Variants in UBASH3B observed in about 807,000 individuals in gnomAD.
UBASH3B encodes the protein ubiquitin-associated and SH3 domain-containing protein B.
Under a neutral mutation model 83.4 loss-of-function variants are expected in UBASH3B, and 37 were observed. The ratio of observed to expected loss-of-function variants is 0.44; its 90% CI spans 0.34 to 0.58. The LOEUF (loss-of-function observed/expected upper bound fraction) is 0.58, where lower values mean the gene tolerates loss of function less well. Ranked by LOEUF, UBASH3B falls within the 20% of genes least tolerant of loss-of-function variation. UBASH3B has a pLI of 0.01. For synonymous variants in UBASH3B, 304 were observed against 318.3 expected, an observed-to-expected ratio of 0.96 and a Z score of 0.48; for missense variants, 657 against 827.2, an observed-to-expected ratio of 0.79 and a Z score of 2.52.
At chr11:122,685,645 T>C (rs1863799819) in intron 1 of UBASH3B, among the ~76,000 whole-genome samples, 1 of 152,120 alleles carries the variant, frequency 6.6e-6, no homozygotes, top group African/African-American at 2.4e-5. Context: ...GCCTCCCGAG[T>C]AGCTGGAATT....
intron 1 of UBASH3B, among the ~76,000 whole-genome samples, chr11:122,718,337 C>T (rs897771882): frequency 2.0e-5 from 3 of 152,152 alleles, no homozygotes; most frequent in Non-Finnish European, 2.9e-5. Context: ...AACATAGAGC[C>T]CTGGCGCCTC....
Position 122,801,888 on chromosome 11 carries a change from C to T in UBASH3B, c.1595+556C>T, listed in dbSNP as rs560586095. ...CTTTATTCATCATTTTCCACATGTC[C>T]AGCACCATGCAATCTGCTGTACAGT... On this transcript the variant is annotated intron_variant, in intron 11 of 13. Transcript: ENST00000284273. Among the ~76,000 whole-genome samples, 4 of 152,264 alleles carry T rather than the reference C, an allele frequency of 2.6e-5. No individual in the cohort carries two copies. In the South Asian group the frequency reaches 8.3e-4, roughly 32 times the overall value.
intron 1 of UBASH3B, among the ~76,000 whole-genome samples, chr11:122,694,687 G>A (rs1000331442): frequency 1.6e-4 from 24 of 152,296 alleles, no homozygotes; most frequent in African/African-American, 5.5e-4. Context: ...TGGAAATGCT[G>A]TTATTGATAA....
rs181445074 is a variant in UBASH3B, at chr11:122,693,734, G to C, written c.161+37524G>C. Among the ~76,000 whole-genome samples, 210 of 152,214 alleles carry C rather than the reference G, an allele frequency of 1.4e-3. 2 individuals carry two copies. The highest frequency in any genetic ancestry group is 4.9e-3 in the African/African-American group (202 of 41,514). On this transcript the variant is annotated intron_variant, in intron 1 of 13. Transcript: ENST00000284273. ...CTAAAAATACAAAAATTAGCCAGGC[G>C]TGGTGGCACATGCCTGTAATCCTAA...
intron 1 of UBASH3B, among the ~76,000 whole-genome samples, chr11:122,676,130 G>A (rs142439861): frequency 0.017 from 2,517 of 152,254 alleles, 72 homozygotes; most frequent in South Asian, 0.086. Flanking sequence ...GGCTGGGTGT[G>A]GTGGCTCAGG....
At chr11:122,765,737 A>G (rs1252998106) in intron 1 of UBASH3B, among the ~76,000 whole-genome samples, 1 of 152,134 alleles carries the variant, frequency 6.6e-6, no homozygotes, top group Non-Finnish European at 1.5e-5. Context: ...CCTTATCTCC[A>G]TATAAGTCTT....
At chr11:122,751,141 A>G (rs1318007090) in intron 1 of UBASH3B, among the ~76,000 whole-genome samples, 2 of 152,196 alleles carry the variant, frequency 1.3e-5, no homozygotes, top group African/African-American at 4.8e-5. Context: ...TGCATAATTT[A>G]TTGCAGTGCT....
chr11:122,726,566 C>G (rs944597383), intron 1 of UBASH3B, among the ~76,000 whole-genome samples: 2 of 152,086 alleles, frequency 1.3e-5, no homozygotes, highest in Non-Finnish European at 2.9e-5. Context: ...CCAGGCTGGT[C>G]TCGCACTCCT....
At chr11:122,720,553 T>C (rs796673793) in intron 1 of UBASH3B, among the ~76,000 whole-genome samples, 1 of 152,360 alleles carries the variant, frequency 6.6e-6, no homozygotes, top group African/African-American at 2.4e-5. Context: ...AAAGCCTTCC[T>C]GTCTCTAGGG....
rs1861316781 is a variant in UBASH3B at position 122,758,406 on chromosome 11, G to A, written c.162-17813G>A. On this transcript the variant is annotated intron_variant, in intron 1 of 13. Coordinates refer to ENST00000284273, the MANE Select transcript of UBASH3B (RefSeq NM_032873.5). This position sits in a 1 kb window ranked among gnomAD's most constrained non-coding sequence, Gnocchi z 4.2. ...TCCTGAGATTTCAGCTGCAGAGTAAGCCTCCAGAGCATCTGCCAGGAACTG... is the reference window on the plus strand; with the variant it reads ...TCCTGAGATTTCAGCTGCAGAGTAAACCTCCAGAGCATCTGCCAGGAACTG... Among the ~76,000 whole-genome samples the A allele has an allele frequency of 6.6e-6, 1 of 152,238 alleles. No individual in the cohort carries two copies. Among genetic ancestry groups the A allele is most frequent in the African/African-American group, 2.4e-5 (1 of 41,460 alleles).
chr11:122,669,154 A>G (rs1040003196), intron 1 of UBASH3B, among the ~76,000 whole-genome samples: 1 of 152,238 alleles, frequency 6.6e-6, no homozygotes, highest in Admixed American at 6.5e-5. Flanking sequence ...GTGGCTTACA[A>G]CAACACACAT....
rs199796870 is a variant in UBASH3B, at chr11:122,766,259, T to TA, written c.162-9959dup. On this transcript the variant is annotated intron_variant, in intron 1 of 13. Transcript: ENST00000284273. ...GCAGCACAAGTGATATAAAATAGGA[T>TA]ATAGTGGCCGGGCGCGGTGGCTCAT... 5.3e-3 allele frequency among the ~76,000 whole-genome samples: 813 copies of TA among 152,116 alleles called. 6 individuals are homozygous for TA. The highest frequency in any genetic ancestry group is 0.017 in the African/African-American group (724 of 41,498).
intron 1 of UBASH3B, among the ~76,000 whole-genome samples, chr11:122,702,726 T>C (rs923854196): frequency 6.6e-6 from 1 of 152,188 alleles, no homozygotes; most frequent in Middle Eastern, 3.4e-3. Context: ...GGTTTCACCA[T>C]GTCAGCCAGG....
chr11:122,780,924 G>A (rs1296122914), intron 4 of UBASH3B, among the ~76,000 whole-genome samples: 1 of 152,210 alleles, frequency 6.6e-6, no homozygotes, highest in Non-Finnish European at 1.5e-5. Flanking sequence ...GCCGCAGTTT[G>A]CTCCTTAGCC....
chr11:122,656,507 G>T (rs940033516), intron 1 of UBASH3B, among the ~76,000 whole-genome samples: 2 of 152,132 alleles, frequency 1.3e-5, no homozygotes, highest in Non-Finnish European at 2.9e-5. Context: ...CGCCCCAGCC[G>T]GGTGGAGCTC....
At chr11:122,703,209 C>T (rs1487064385) in intron 1 of UBASH3B, among the ~76,000 whole-genome samples, 2 of 151,976 alleles carry the variant, frequency 1.3e-5, no homozygotes, top group African/African-American at 2.4e-5. Flanking sequence ...GGGCGGATCA[C>T]GAGGTCGGGA....
intron 1 of UBASH3B, among the ~76,000 whole-genome samples, chr11:122,766,064 G>A (rs1474971135): frequency 1.3e-5 from 2 of 152,144 alleles, no homozygotes; most frequent in Non-Finnish European, 2.9e-5. Context: ...GGGAAGAAGC[G>A]AAAGGAGAGG....
chr11:122,779,822 C>T (rs900309949), intron 4 of UBASH3B, 127 bp downstream of exon 4: 16 of 1,136,538 alleles, frequency 1.4e-5, no homozygotes, highest in African/African-American at 1.2e-4. Flanking sequence ...CAGGAATGGA[C>T]GTGTGACAAA....
At position 122,747,224 on chromosome 11, in the gene UBASH3B, G is replaced by A. The variant is rs1256870291; in HGVS notation, c.162-28995G>A. ...GATTATTCTAGTCTTGGTGGAGGGT[G>A]GACTATAAATTGGAGAATGAAAGGG... On this transcript the variant is annotated intron_variant, in intron 1 of 13. Coordinates refer to ENST00000284273, the MANE Select transcript of UBASH3B (RefSeq NM_032873.5). 3.3e-5 allele frequency among the ~76,000 whole-genome samples: 5 copies of A among 152,226 alleles called. No homozygotes were observed. The East Asian group carries it at 5.8e-4, about 18-fold the overall frequency.
Sources: gnomAD v4.1 joint callset for allele counts (sites outside exome capture counted in the v4.1 genomes callset) on GRCh38, gnomAD v4.1.1 for gene constraint, Gnocchi (gnomAD v3.1) non-coding constraint, MANE v1.5 for transcripts, NCBI Gene and HGNC (gene_info 2026-07-23, HGNC 2026-07-21) for gene names.